Variants in NOS1AP observed in about 807,000 individuals in gnomAD.
NOS1AP encodes nitric oxide synthase 1 adaptor protein, also known as carboxyl-terminal PDZ ligand of neuronal nitric oxide synthase protein.
In NOS1AP, 21 loss-of-function variants were observed where a neutral mutation model predicts 56.2. The observed-to-expected ratio is 0.37, with a 90% CI of 0.26 to 0.54. The LOEUF (loss-of-function observed/expected upper bound fraction) is 0.54, where lower values mean the gene tolerates loss of function less well. Ranked by LOEUF, NOS1AP falls within the 20% of genes least tolerant of loss-of-function variation. The pLI is 0.84. For synonymous variants in NOS1AP, 270 were observed against 274.6 expected (o/e 0.98, Z 0.17); for missense variants, 522 against 657.8 (o/e 0.79, Z 2.26).
Position 162,369,059 on chromosome 1 carries a change from T to C in NOS1AP, c.*1592T>C, listed in dbSNP as rs1647280193. The C allele has an allele frequency of 6.6e-6, 1 of 151,908 alleles. No individual in the cohort carries two copies. The highest frequency in any genetic ancestry group is 2.1e-4 in the South Asian group (1 of 4,742). The allele number at this position is 151,908 out of a possible 1,614,324, so 9.4% of individuals were successfully genotyped here. A position where few individuals can be genotyped will look rare whatever the true frequency, so the allele number is the denominator to read the frequency against. ...CATCAGGGTGTCAGTGGAAATAGGA[T>C]CAGGTGGTGTGTGTGTGTGTGTTTT... On this transcript the variant is annotated 3_prime_UTR_variant, in exon 10 of 10. Transcript: ENST00000361897.
chr1:162,315,920 A>G (rs567160585), intron 4 of NOS1AP, among the ~76,000 whole-genome samples: 3 of 152,272 alleles, frequency 2.0e-5, no homozygotes, highest in African/African-American at 4.8e-5. Context: ...ATTGTAGTTT[A>G]TCTATCATAG....
At chr1:162,294,128 C>T (rs1381767117) in intron 3 of NOS1AP, among the ~76,000 whole-genome samples, 1 of 150,462 alleles carries the variant, frequency 6.6e-6, no homozygotes, top group African/African-American at 2.5e-5. Flanking sequence ...GCAGAGAGGC[C>T]TGCCCCTGAG....
chr1:162,118,205 C>T (rs773176123), intron 1 of NOS1AP, among the ~76,000 whole-genome samples: 3 of 152,160 alleles, frequency 2.0e-5, no homozygotes, highest in Admixed American at 6.5e-5. Flanking sequence ...GTCACCCAAG[C>T]GGTAAACACA....
intron 4 of NOS1AP, among the ~76,000 whole-genome samples, chr1:162,320,970 G>A (rs1047963033): frequency 2.0e-5 from 3 of 152,142 alleles, no homozygotes; most frequent in African/African-American, 7.2e-5. Context: ...CAATGGCCTG[G>A]AAGTAAAGGT....
intron 8 of NOS1AP, chr1:162,364,409 A>T: frequency 1.0e-6 from 1 of 985,444 alleles, no homozygotes; most frequent in Non-Finnish European, 1.2e-6. Context: ...CAAGAATCAC[A>T]TATGTGTGAA....
At chr1:162,077,663 C>G (rs974080922) in intron 1 of NOS1AP, among the ~76,000 whole-genome samples, 1 of 151,536 alleles carries the variant, frequency 6.6e-6, no homozygotes, top group Admixed American at 6.6e-5. Flanking sequence ...GTTAGTCTGC[C>G]CTTGTCCTCT....
At chr1:162,313,557 G>A (rs1656121419) in intron 4 of NOS1AP, among the ~76,000 whole-genome samples, 1 of 152,148 alleles carries the variant, frequency 6.6e-6, no homozygotes, top group African/African-American at 2.4e-5. Flanking sequence ...TGATATTTTA[G>A]GAAAACCAGT....
chr1:162,140,751 A>G (rs1649200346), intron 1 of NOS1AP, among the ~76,000 whole-genome samples: 1 of 152,188 alleles, frequency 6.6e-6, no homozygotes, highest in South Asian at 2.1e-4. Flanking sequence ...GGACTAATTT[A>G]TATTCCCACC....
At chr1:162,096,454 G>C (rs377158335) in intron 1 of NOS1AP, among the ~76,000 whole-genome samples, 1 of 151,836 alleles carries the variant, frequency 6.6e-6, no homozygotes, top group Non-Finnish European at 1.5e-5. Context: ...AAAAATATAC[G>C]TAATATAAAG....
chr1:162,207,307 G>A (rs916333410), intron 2 of NOS1AP, among the ~76,000 whole-genome samples: 6 of 152,160 alleles, frequency 3.9e-5, no homozygotes, highest in African/African-American at 7.2e-5. Context: ...TAAAATCACC[G>A]TCTACCCACG....
intron 1 of NOS1AP, among the ~76,000 whole-genome samples, chr1:162,137,527 G>A (rs1408783173): frequency 6.6e-6 from 1 of 152,136 alleles, no homozygotes; most frequent in Non-Finnish European, 1.5e-5. Flanking sequence ...AGGCAGTCCA[G>A]GGACTCTGAG....
intron 2 of NOS1AP, among the ~76,000 whole-genome samples, chr1:162,242,178 A>C (rs1054521643): frequency 2.0e-5 from 3 of 152,172 alleles, no homozygotes; most frequent in African/African-American, 2.4e-5. Context: ...CCTGACCTCA[A>C]GTGAATAGGG....
intron 1 of NOS1AP, among the ~76,000 whole-genome samples, chr1:162,135,650 T>A (rs752593966): frequency 1.3e-5 from 2 of 152,142 alleles, no homozygotes; most frequent in Non-Finnish European, 2.9e-5. Context: ...CCATCTGGGG[T>A]TCTGCCTTAA....
At chr1:162,205,656 T>C (rs1487579750) in intron 2 of NOS1AP, among the ~76,000 whole-genome samples, 1 of 152,216 alleles carries the variant, frequency 6.6e-6, no homozygotes, top group African/African-American at 2.4e-5. Flanking sequence ...ATTGGATCTT[T>C]TTACTAAGGA....
At chr1:162,113,075 G>C (rs1451901073) in intron 1 of NOS1AP, among the ~76,000 whole-genome samples, 1 of 152,190 alleles carries the variant, frequency 6.6e-6, no homozygotes, top group East Asian at 1.9e-4. Context: ...ATCAGGCAGA[G>C]GGTGGTGGGG....
chr1:162,185,045 A>G (rs1322909859), intron 2 of NOS1AP, among the ~76,000 whole-genome samples: 2 of 152,146 alleles, frequency 1.3e-5, no homozygotes, highest in Non-Finnish European at 1.5e-5. Context: ...TGCCTTTTCT[A>G]GCTTAAAGAG....
intron 2 of NOS1AP, among the ~76,000 whole-genome samples, chr1:162,255,930 G>A (rs1654014130): frequency 6.6e-6 from 1 of 152,080 alleles, no homozygotes. Flanking sequence ...GATCACCTGG[G>A]GTCAGGAGTT....
chr1:162,141,301 T>A (rs140480721), intron 1 of NOS1AP, among the ~76,000 whole-genome samples: 107 of 152,352 alleles, frequency 7.0e-4, no homozygotes, highest in Non-Finnish European at 1.3e-3. Context: ...GTGGTGCAGC[T>A]GGAATTGGAA....
intron 2 of NOS1AP, among the ~76,000 whole-genome samples, chr1:162,186,334 G>T (rs1193677048): frequency 6.7e-6 from 1 of 149,308 alleles, no homozygotes; most frequent in South Asian, 2.2e-4. Flanking sequence ...AGTAATTTCT[G>T]TTTTTTTTAA....
Sources: gnomAD v4.1 joint callset for allele counts (sites outside exome capture counted in the v4.1 genomes callset) on GRCh38, gnomAD v4.1.1 for gene constraint, MANE v1.5 for transcripts, NCBI Gene and HGNC (gene_info 2026-07-23, HGNC 2026-07-21) for gene names.